The following FAM20B variants were observed in gnomAD, a reference collection of about 807,000 sequenced individuals.
FAM20B encodes the protein FAM20B glycosaminoglycan xylosylkinase.
A neutral mutation model predicts 43.8 loss-of-function variants in FAM20B; 23 were observed. That is an observed-to-expected ratio of 0.53 (90% CI 0.38 to 0.74). FAM20B has a LOEUF of 0.74. FAM20B is among the 30% of genes least tolerant of loss of function. The pLI, the probability that FAM20B is intolerant of heterozygous loss-of-function variation, is 0.00. For synonymous variants in FAM20B, 178 were observed against 192.4 expected (o/e 0.93, Z 0.62); for missense variants, 440 against 510.5 (o/e 0.86, Z 1.33).
At chr1:179,028,921 G>C (rs948449105) in intron 1 of FAM20B, among the ~76,000 whole-genome samples, 3 of 152,208 alleles carry the variant, frequency 2.0e-5, no homozygotes, top group Non-Finnish European at 2.9e-5. Context: ...CGTAGAAAAT[G>C]TGTTTCGGAT....
chr1:179,037,774 A>T (rs1278875744), intron 1 of FAM20B, among the ~76,000 whole-genome samples: 1 of 152,096 alleles, frequency 6.6e-6, no homozygotes, highest in East Asian at 1.9e-4. Flanking sequence ...GGCGTGAGGC[A>T]CTGTCCCCAG....
At chr1:179,033,204 G>T (rs186426519) in intron 1 of FAM20B, among the ~76,000 whole-genome samples, 2 of 152,348 alleles carry the variant, frequency 1.3e-5, no homozygotes, top group East Asian at 1.9e-4. Flanking sequence ...ACATGTGTCA[G>T]TGTGTGAATG....
intron 2 of FAM20B, among the ~76,000 whole-genome samples, chr1:179,045,670 C>T (rs7544822): frequency 0.067 from 10,246 of 151,920 alleles, 395 homozygotes; most frequent in South Asian, 0.086. Flanking sequence ...TTGGGGAGGC[C>T]GAGGTGGGTG....
At chr1:179,050,435 G>A in intron 3 of FAM20B, 70 bp downstream of exon 3, 1 of 1,092,154 alleles carries the variant, frequency 9.2e-7, no homozygotes, top group Non-Finnish European at 1.4e-6. Flanking sequence ...GAGGACTCGT[G>A]GACTCCTTCA....
chr1:179,042,147 C>T (rs917471680), intron 1 of FAM20B, among the ~76,000 whole-genome samples: 34 of 152,180 alleles, frequency 2.2e-4, no homozygotes, highest in African/African-American at 8.2e-4. Context: ...CCACTGGGCT[C>T]GTTCTACCCA....
At chr1:179,047,402 C>T (rs1427576427) in intron 2 of FAM20B, among the ~76,000 whole-genome samples, 1 of 152,182 alleles carries the variant, frequency 6.6e-6, no homozygotes, top group Non-Finnish European at 1.5e-5. Context: ...AGACAAAACC[C>T]AGCCTCCACA....
intron 4 of FAM20B, among the ~76,000 whole-genome samples, chr1:179,060,767 G>A (rs1321911635): frequency 2.0e-5 from 3 of 152,162 alleles, no homozygotes; most frequent in Non-Finnish European, 4.4e-5. Flanking sequence ...CAAAAGGCAC[G>A]TGCATTTTAA....
At chr1:179,060,459 G>A (rs957832768) in intron 4 of FAM20B, among the ~76,000 whole-genome samples, 6 of 152,210 alleles carry the variant, frequency 3.9e-5, no homozygotes, top group Admixed American at 6.5e-5. Flanking sequence ...GAGCATTACC[G>A]CCTCAGCACC....
intron 1 of FAM20B, among the ~76,000 whole-genome samples, chr1:179,032,531 C>A (rs550778578): frequency 6.6e-6 from 1 of 152,106 alleles, no homozygotes; most frequent in Non-Finnish European, 1.5e-5. Flanking sequence ...ATATCTTTCC[C>A]AAGACCCACA....
At chr1:179,064,576 A>T in intron 6 of FAM20B, 80 bp downstream of exon 6, 1 of 1,126,340 alleles carries the variant, frequency 8.9e-7, no homozygotes, top group Non-Finnish European at 1.3e-6. Flanking sequence ...ATCCTGGAGA[A>T]TATCCAGAAT....
chr1:179,029,413 G>A (rs1649918394), intron 1 of FAM20B, among the ~76,000 whole-genome samples: 1 of 152,202 alleles, frequency 6.6e-6, no homozygotes, highest in Admixed American at 6.5e-5. Context: ...GAGCTGCCTA[G>A]AAGAGAAAAT....
chr1:179,027,735 G>GA (rs1649846459), intron 1 of FAM20B, among the ~76,000 whole-genome samples: 1 of 152,194 alleles, frequency 6.6e-6, no homozygotes, highest in Non-Finnish European at 1.5e-5. Flanking sequence ...TCTGTGTGGT[G>GA]AAAATGTGAC....
chr1:179,062,677 A>C (rs1049879811), intron 4 of FAM20B, among the ~76,000 whole-genome samples: 51 of 152,150 alleles, frequency 3.4e-4, no homozygotes, highest in African/African-American at 1.2e-3. Context: ...AAACAAACAA[A>C]AAAAAACACC....
chr1:179,027,551 T>C (rs1480271196), intron 1 of FAM20B, among the ~76,000 whole-genome samples: 1 of 152,236 alleles, frequency 6.6e-6, no homozygotes, highest in African/African-American at 2.4e-5. Flanking sequence ...AACCGTACAA[T>C]GGAATCAGTC....
chr1:179,049,648 C>T (rs4651011), intron 2 of FAM20B, among the ~76,000 whole-genome samples: 1 of 151,976 alleles, frequency 6.6e-6, no homozygotes, highest in African/African-American at 2.4e-5. Flanking sequence ...TCAAGCGATT[C>T]TCCTGACTCA....
intron 1 of FAM20B, among the ~76,000 whole-genome samples, chr1:179,036,622 C>T (rs1346004298): frequency 6.6e-6 from 1 of 152,160 alleles, no homozygotes; most frequent in Non-Finnish European, 1.5e-5. Flanking sequence ...ATATAGTATA[C>T]TCCTTGTCCC....
intron 4 of FAM20B, among the ~76,000 whole-genome samples, chr1:179,060,161 TCTTA>T (rs1053472053): frequency 2.0e-5 from 3 of 152,150 alleles, no homozygotes; most frequent in Non-Finnish European, 2.9e-5. Flanking sequence ...TACTTCTGCA[TCTTA>T]CTTTTTTTAC....
At chr1:179,042,948 A>G (rs1302649200) in intron 1 of FAM20B, among the ~76,000 whole-genome samples, 1 of 152,158 alleles carries the variant, frequency 6.6e-6, no homozygotes, top group Non-Finnish European at 1.5e-5. Context: ...ATAAGTTCTC[A>G]CTGTGGTTTG....
chr1:179,054,581 C>G lies in FAM20B; in HGVS notation c.517C>G (p.Arg173Gly). The change falls in exon 4 of 8, where the codon CGG becomes GGG. Residue 173 changes from arginine to glycine, a missense_variant. Coordinates refer to ENST00000263733, the MANE Select transcript of FAM20B (RefSeq NM_014864.4). ...GGTAGTTGGCAGATTTGTTAATCTT[C>G]GGACAGAGATCAAACCTGTCGCCAC... ...PLVVGRFVNLRTEIKPVATEQ... is the reference protein window; with the variant it reads ...PLVVGRFVNLGTEIKPVATEQ... 6.2e-7 allele frequency: 1 copy of G among 1,612,966 alleles called. No individual in the cohort carries two copies. Among genetic ancestry groups the G allele is most frequent in the Non-Finnish European group, 8.5e-7 (1 of 1,179,234 alleles).
Sources: gnomAD v4.1 joint callset for allele counts (sites outside exome capture counted in the v4.1 genomes callset) on GRCh38, gnomAD v4.1.1 for gene constraint, MANE v1.5 for transcripts, NCBI Gene and HGNC (gene_info 2026-07-23, HGNC 2026-07-21) for gene names.